The following CD109 variants were observed in gnomAD, a reference collection of about 807,000 sequenced individuals.
CD109 encodes the protein CD109 molecule, also known as CD109 antigen.
CD109 carries 149 observed loss-of-function variants against 165.8 expected under a neutral mutation model. The ratio of observed to expected loss-of-function variants is 0.90; its 90% CI spans 0.79 to 1.03. CD109 has a LOEUF of 1.03. Among genes scored for constraint, CD109 ranks in the 50% least tolerant of loss-of-function variants. The pLI, the probability that CD109 is intolerant of heterozygous loss-of-function variation, is 0.00. For missense variants in CD109, 1,712 were observed against 1,677.8 expected, an observed-to-expected ratio of 1.02 and a Z score of -0.36; for synonymous variants, 585 against 592.1, an observed-to-expected ratio of 0.99 and a Z score of 0.18.
intron 7 of CD109, among the ~76,000 whole-genome samples, chr6:73,759,754 T>G: frequency 6.6e-6 from 1 of 152,220 alleles, no homozygotes; most frequent in East Asian, 1.9e-4. Context: ...CTAGTTTTGC[T>G]TTTATTTAAT....
At chr6:73,806,217 A>G (rs1243969821) in intron 24 of CD109, among the ~76,000 whole-genome samples, 1 of 152,170 alleles carries the variant, frequency 6.6e-6, no homozygotes, top group Non-Finnish European at 1.5e-5. Flanking sequence ...TTGTAGGGAC[A>G]TGGATGAAGC....
intron 3 of CD109, among the ~76,000 whole-genome samples, chr6:73,727,015 G>C (rs1251470141): frequency 6.6e-6 from 1 of 152,032 alleles, no homozygotes; most frequent in African/African-American, 2.4e-5. Flanking sequence ...CCAATTTCGG[G>C]AACCTTTTTC....
intron 16 of CD109, among the ~76,000 whole-genome samples, chr6:73,780,989 A>T (rs1412288554): frequency 6.9e-6 from 1 of 145,090 alleles, no homozygotes; most frequent in East Asian, 2.0e-4. Context: ...TGTTTGAGAG[A>T]GATCGATATG....
rs1228610851 is a variant in CD109, at chr6:73,739,911, C to T, written c.633+3403C>T. On this transcript the variant is annotated intron_variant, in intron 5 of 32. Coordinates refer to ENST00000287097, the MANE Select transcript of CD109 (RefSeq NM_133493.5). ...AGAGACAGGGTTGTCGTCTGTCACT[C>T]AGGCTAGAGTGAAGTGGCACAATCA... is the stretch of plus-strand genomic sequence containing the variant. Among the ~76,000 whole-genome samples the T allele has an allele frequency of 2.6e-5, 4 of 152,284 alleles. No individual in the cohort carries two copies. In the South Asian group the frequency reaches 6.2e-4, roughly 24 times the overall value.
Position 73,826,055 on chromosome 6 carries a change from A to G in CD109, c.*2422A>G, listed in dbSNP as rs1469174443. 2.6e-5 allele frequency: 4 copies of G among 152,166 alleles called. No individual in the cohort carries two copies. The highest frequency in any genetic ancestry group is 9.7e-5 in the African/African-American group (4 of 41,434). 9.4% of individuals were successfully genotyped at this position (152,166 alleles called of 1,614,324 possible). A position where few individuals can be genotyped will look rare whatever the true frequency, so the allele number is the denominator to read the frequency against. ...GTTTATTAAAAATGAAGAGGACAAC[A>G]ATGAGAAGGAACATAAAGGGTTAGC... is the stretch of plus-strand genomic sequence containing the variant. On this transcript the variant is annotated 3_prime_UTR_variant, in exon 33 of 33. Coordinates refer to ENST00000287097, the MANE Select transcript of CD109 (RefSeq NM_133493.5).
rs549185092 is a variant in CD109 at position 73,749,225 on chromosome 6, A to G, written c.634-7418A>G. On this transcript the variant is annotated intron_variant, in intron 5 of 32. Coordinates refer to ENST00000287097, the MANE Select transcript of CD109 (RefSeq NM_133493.5). The stretch of plus-strand genomic sequence containing the variant: ...AAAGAGCATTAGATTAGGAGTCCTA[A>G]GACCTGGGTACTGTGCTCTAGTTAA... Among the ~76,000 whole-genome samples the G allele has an allele frequency of 1.1e-3, 168 of 152,328 alleles. 2 individuals carry two copies. The highest frequency in any genetic ancestry group is 3.6e-3 in the African/African-American group (151 of 41,576).
At chr6:73,745,878 A>G (rs1772966338) in intron 5 of CD109, among the ~76,000 whole-genome samples, 1 of 152,020 alleles carries the variant, frequency 6.6e-6, no homozygotes, top group South Asian at 2.1e-4. Context: ...ACAGGCATCC[A>G]CCACCACGCC....
intron 21 of CD109, among the ~76,000 whole-genome samples, chr6:73,788,228 G>A (rs10943129): frequency 0.39 from 58,656 of 152,030 alleles, 11,626 homozygotes; most frequent in African/African-American, 0.47. Flanking sequence ...ATTAATCAAA[G>A]TTATGGTAAT....
At chr6:73,738,827 T>TCATTCTAGA (rs1772642819) in intron 5 of CD109, among the ~76,000 whole-genome samples, 1 of 152,270 alleles carries the variant, frequency 6.6e-6, no homozygotes, top group Admixed American at 6.5e-5. Context: ...CCTTTCATCA[T>TCATTCTAGA]GCTGTTCCCT....
chr6:73,798,779 CTGATCTCATCTCCA>C (rs377400507), intron 23 of CD109, among the ~76,000 whole-genome samples: 1 of 152,114 alleles, frequency 6.6e-6, no homozygotes, highest in Non-Finnish European at 1.5e-5. Flanking sequence ...TCCATAAGCA[CTGATCTCATCTCCA>C]TGATCTCATC....
chr6:73,730,505 G>C lies in CD109; in HGVS notation c.438G>C (p.Val146=). 1 of 1,614,174 alleles carries C rather than the reference G, an allele frequency of 6.2e-7. No individual in the cohort carries two copies. Among genetic ancestry groups the C allele is most frequent in the Non-Finnish European group, 8.5e-7 (1 of 1,180,016 alleles). ...DKALYKPKQE[V]KFRIVTLFSD... is the part of the protein sequence containing the mutation. ...CCTTATACAAGCCAAAGCAAGAAGT[G>C]AAGTTTCGCATTGTTACACTCTTCT... Residue 146 remains valine, a synonymous_variant, in exon 4 of 33, where the codon GTG becomes GTC. Transcript: ENST00000287097.
intron 13 of CD109, among the ~76,000 whole-genome samples, chr6:73,767,811 A>G (rs559418498): frequency 6.6e-6 from 1 of 152,318 alleles, no homozygotes; most frequent in East Asian, 1.9e-4. Flanking sequence ...CCTTGCAATC[A>G]AAAATAGATT....
At chr6:73,817,981 A>G (rs974999906) in intron 30 of CD109, among the ~76,000 whole-genome samples, 5 of 152,320 alleles carry the variant, frequency 3.3e-5, no homozygotes, top group South Asian at 2.1e-4. Context: ...CCTCCTTCTC[A>G]GGGCCTGGCT....
At chr6:73,712,322 A>C (rs1345798734) in intron 2 of CD109, among the ~76,000 whole-genome samples, 1 of 152,248 alleles carries the variant, frequency 6.6e-6, no homozygotes, top group Non-Finnish European at 1.5e-5. Flanking sequence ...TGAGGAAAAA[A>C]ATTTAGTAAC....
chr6:73,791,102 G>C (rs1230137911), intron 22 of CD109, among the ~76,000 whole-genome samples: 1 of 135,882 alleles, frequency 7.4e-6, no homozygotes. Flanking sequence ...CATAGGCAGA[G>C]GACTTTATTT....
At chr6:73,791,166 T>G (rs373301357) in intron 22 of CD109, among the ~76,000 whole-genome samples, 1 of 40,970 alleles carries the variant, frequency 2.4e-5, no homozygotes, top group Non-Finnish European at 4.2e-5. Flanking sequence ...TATATATATA[T>G]ATATATATAT....
chr6:73,730,444 C>T lies in CD109; in HGVS notation c.377C>T (p.Thr126Ile). 6.2e-7 allele frequency: 1 copy of T among 1,613,230 alleles called. No individual in the cohort carries two copies. The highest frequency in any genetic ancestry group is 8.5e-7 in the Non-Finnish European group (1 of 1,179,192). The change falls in exon 4 of 33, where the codon ACC becomes ATC. Residue 126 changes from threonine (T) to isoleucine (I), a missense_variant. Transcript: ENST00000287097. The stretch of plus-strand genomic sequence containing the variant: ...AATAGTACCCGCTTATCATTTGAGA[C>T]CAAGAGAATATCTGTCTTCATTCAA... Reference protein sequence around the residue: ...FSNSTRLSFETKRISVFIQTD... With the variant: ...FSNSTRLSFEIKRISVFIQTD...
intron 32 of CD109, among the ~76,000 whole-genome samples, chr6:73,822,638 C>G (rs1241457828): frequency 1.3e-5 from 2 of 152,164 alleles, no homozygotes; most frequent in Admixed American, 1.3e-4. Flanking sequence ...TTCTTGGGTG[C>G]ATGGGGAACA....
At chr6:73,752,525 A>G (rs1372792385) in intron 5 of CD109, among the ~76,000 whole-genome samples, 1 of 152,218 alleles carries the variant, frequency 6.6e-6, no homozygotes, top group Non-Finnish European at 1.5e-5. Context: ...AGAGGTTGCT[A>G]AGAATACCTG....
Sources: allele counts gnomAD v4.1 joint callset (sites outside exome capture counted in the v4.1 genomes callset), GRCh38; gene constraint gnomAD v4.1.1; transcripts MANE v1.5; gene names NCBI Gene and HGNC (gene_info 2026-07-23, HGNC 2026-07-21).